The following ZFPM2 variants were observed in gnomAD, a reference collection of about 807,000 sequenced individuals.
ZFPM2 encodes zinc finger protein, FOG family member 2.
In ZFPM2, 20 loss-of-function variants were observed where a neutral mutation model predicts 98.6. The observed-to-expected ratio is 0.20, with a 90% confidence interval of 0.14 to 0.29. The LOEUF is 0.29. ZFPM2 is among the 10% of genes least tolerant of loss of function. The pLI is 1.00. For synonymous variants in ZFPM2, 518 were observed against 502.7 expected (o/e 1.03, Z -0.41); for missense variants, 1,310 against 1,388.6 (o/e 0.94, Z 0.90).
At chr8:105,619,849 A>G (rs1226224701) in intron 4 of ZFPM2, among the ~76,000 whole-genome samples, 3 of 152,112 alleles carry the variant, frequency 2.0e-5, no homozygotes, top group Non-Finnish European at 4.4e-5. Context: ...TGTCCCTACA[A>G]AGGACAAGAA....
At chr8:105,500,696 G>A (rs574436855) in intron 3 of ZFPM2, among the ~76,000 whole-genome samples, 1 of 152,140 alleles carries the variant, frequency 6.6e-6, no homozygotes, top group South Asian at 2.1e-4. Context: ...AAAACATTCT[G>A]TCTAAACATA....
At chr8:105,631,700 C>T (rs1816758179) in intron 4 of ZFPM2, among the ~76,000 whole-genome samples, 1 of 151,944 alleles carries the variant, frequency 6.6e-6, no homozygotes, top group Non-Finnish European at 1.5e-5. Flanking sequence ...TATCCTTCAC[C>T]AAAAAAGACA....
chr8:105,330,624 A>ATG (rs1554595033), intron 1 of ZFPM2, among the ~76,000 whole-genome samples: 2 of 99,096 alleles, frequency 2.0e-5, no homozygotes, highest in Non-Finnish European at 4.4e-5. Flanking sequence ...ATATATATAT[A>ATG]TATATATACA....
intron 5 of ZFPM2, among the ~76,000 whole-genome samples, chr8:105,653,052 A>G (rs10091408): frequency 0.48 from 72,638 of 152,010 alleles, 17,662 homozygotes; most frequent in African/African-American, 0.57. Flanking sequence ...GGACTGTGAA[A>G]GACATTTAGG....
At chr8:105,657,246 C>G (rs1033528204) in intron 5 of ZFPM2, among the ~76,000 whole-genome samples, 2 of 152,056 alleles carry the variant, frequency 1.3e-5, no homozygotes, top group African/African-American at 4.8e-5. Context: ...TCAAGCAATT[C>G]TTATGTCTCA....
intron 4 of ZFPM2, among the ~76,000 whole-genome samples, chr8:105,596,497 A>G (rs1815972248): frequency 6.6e-6 from 1 of 152,048 alleles, no homozygotes; most frequent in African/African-American, 2.4e-5. Flanking sequence ...TGCCATACCT[A>G]GGGAAAGAAG....
At chr8:105,484,487 A>G (rs1813189441) in intron 3 of ZFPM2, among the ~76,000 whole-genome samples, 2 of 152,136 alleles carry the variant, frequency 1.3e-5, no homozygotes, top group African/African-American at 4.8e-5. Context: ...CTATTAAGTC[A>G]TTAATAATTT....
intron 1 of ZFPM2, among the ~76,000 whole-genome samples, chr8:105,393,432 A>G (rs1383501682): frequency 1.4e-5 from 2 of 147,934 alleles, no homozygotes; most frequent in African/African-American, 5.1e-5. Context: ...TAAAATGATT[A>G]TATCTCCAGG....
intron 1 of ZFPM2, among the ~76,000 whole-genome samples, chr8:105,320,256 T>TTGTGTGTGTGTGTG (rs71305141): frequency 2.6e-4 from 37 of 142,344 alleles, no homozygotes; most frequent in Middle Eastern, 3.6e-3. Context: ...ATTCAGATCT[T>TTGTGTGTGTGTGTG]TGTGTGTGTG....
At chr8:105,390,504 T>G (rs747382981) in intron 1 of ZFPM2, among the ~76,000 whole-genome samples, 1 of 152,162 alleles carries the variant, frequency 6.6e-6, no homozygotes, top group Non-Finnish European at 1.5e-5. Context: ...CAAGACTCAG[T>G]GTATAGCAGC....
chr8:105,391,183 C>T (rs1811100066), intron 1 of ZFPM2, among the ~76,000 whole-genome samples: 1 of 152,146 alleles, frequency 6.6e-6, no homozygotes, highest in African/African-American at 2.4e-5. Flanking sequence ...ATTTTTCCAC[C>T]AGTGTGTGCT....
intron 4 of ZFPM2, among the ~76,000 whole-genome samples, chr8:105,610,588 T>A (rs913415469): frequency 2.0e-5 from 3 of 152,176 alleles, no homozygotes; most frequent in Non-Finnish European, 4.4e-5. Context: ...TGCATTAAAC[T>A]CTCAAAGATG....
chr8:105,593,500 G>T (rs768746537), intron 4 of ZFPM2, among the ~76,000 whole-genome samples: 1 of 151,946 alleles, frequency 6.6e-6, no homozygotes, highest in African/African-American at 2.4e-5. Flanking sequence ...TATTAATAAA[G>T]ATTTGTTACA....
chr8:105,661,881 C>A (rs951269134), intron 5 of ZFPM2, among the ~76,000 whole-genome samples: 1 of 151,880 alleles, frequency 6.6e-6, no homozygotes, highest in African/African-American at 2.4e-5. Context: ...TTTACACAAC[C>A]CAGTTGGGAG....
chr8:105,359,436 C>T (rs1426361815), intron 1 of ZFPM2, among the ~76,000 whole-genome samples: 2 of 148,162 alleles, frequency 1.3e-5, no homozygotes, highest in African/African-American at 5.0e-5. Context: ...AGTGCAGTGA[C>T]ATGATCTTGG....
intron 3 of ZFPM2, among the ~76,000 whole-genome samples, chr8:105,528,138 C>T (rs1814215290): frequency 6.6e-6 from 1 of 152,054 alleles, no homozygotes; most frequent in Non-Finnish European, 1.5e-5. Context: ...AAGCCCTGAG[C>T]CCAGGTGGGA....
chr8:105,549,484 C>T (rs541168573), intron 3 of ZFPM2, among the ~76,000 whole-genome samples: 101 of 151,532 alleles, frequency 6.7e-4, no homozygotes, highest in Non-Finnish European at 1.3e-3. Context: ...AAGAAAAGCT[C>T]ACAAATCTTC....
chr8:105,559,174 G>A (rs1815070781), intron 3 of ZFPM2, among the ~76,000 whole-genome samples: 1 of 152,040 alleles, frequency 6.6e-6, no homozygotes, highest in South Asian at 2.1e-4. Flanking sequence ...ATTTTCAGAG[G>A]AAAATCTCAT....
chr8:105,391,342 A>G (rs1811104723), intron 1 of ZFPM2, among the ~76,000 whole-genome samples: 1 of 152,236 alleles, frequency 6.6e-6, no homozygotes, highest in Non-Finnish European at 1.5e-5. Context: ...CTGAGACTTC[A>G]GCAAGTCATG....
Sources: gnomAD v4.1 joint callset for allele counts (sites outside exome capture counted in the v4.1 genomes callset) on GRCh38, gnomAD v4.1.1 for gene constraint, MANE v1.5 for transcripts, NCBI Gene and HGNC (gene_info 2026-07-23, HGNC 2026-07-21) for gene names.